TMEM135: variants seen among roughly 807,000 people sequenced by gnomAD.
The protein encoded by TMEM135 is transmembrane protein 135.
Under a neutral mutation model 60.3 loss-of-function variants are expected in TMEM135, and 30 were observed. The observed-to-expected ratio is 0.50, with a 90% CI of 0.37 to 0.68. The LOEUF (loss-of-function observed/expected upper bound fraction) is 0.68, where lower values mean the gene tolerates loss of function less well. Among genes scored for constraint, TMEM135 ranks in the 30% least tolerant of loss-of-function variants. The pLI is 0.00. For synonymous variants in TMEM135, 190 were observed against 186.7 expected (o/e 1.02, Z -0.14); for missense variants, 468 against 548.8 (o/e 0.85, Z 1.47).
intron 8 of TMEM135, among the ~76,000 whole-genome samples, chr11:87,302,945 A>G (rs551266045): frequency 1.6e-4 from 25 of 152,358 alleles, no homozygotes; most frequent in African/African-American, 5.0e-4. Context: ...ATTTTCATTT[A>G]TATTTCTAGG....
In TMEM135 at chr11:87,327,208, T is replaced by TG. The variant is rs781357542; in HGVS notation, c.*5878dup. The TG allele has an allele frequency of 5.9e-5, 27 of 453,938 alleles. No individual in the cohort carries two copies. Among genetic ancestry groups the TG allele is most frequent in the Non-Finnish European group, 1.1e-4 (24 of 226,788 alleles). 28.1% of individuals were successfully genotyped at this position (453,938 alleles called of 1,614,324 possible). A position where few individuals can be genotyped will look rare whatever the true frequency, so the allele number is the denominator to read the frequency against. On this transcript the variant is annotated 3_prime_UTR_variant, in exon 15 of 15. Coordinates refer to ENST00000305494, the MANE Select transcript of TMEM135 (RefSeq NM_022918.4). ...TGTAATGGAAAATCTGGGAAACACT[T>TG]GGGAAAAATCTTCCCTCTCTGCTTA...
intron 6 of TMEM135, among the ~76,000 whole-genome samples, chr11:87,290,065 G>A (rs1022805965): frequency 2.6e-5 from 4 of 152,060 alleles, no homozygotes; most frequent in East Asian, 1.9e-4. Flanking sequence ...TGTAGATTGC[G>A]AAGAAATATT....
intron 1 of TMEM135, among the ~76,000 whole-genome samples, chr11:87,062,251 A>G (rs2445571): frequency 0.47 from 70,826 of 151,556 alleles, 17,336 homozygotes; most frequent in East Asian, 0.64. Context: ...TGATCCGCCC[A>G]CCTCGGCCTC....
At position 87,122,262 on chromosome 11, in the gene TMEM135, G is replaced by T. The variant is rs673634; in HGVS notation, c.396+30867G>T. Among the ~76,000 whole-genome samples the T allele has an allele frequency of 2.0e-5, 3 of 147,794 alleles. 1 individual carries two copies. The highest frequency in any genetic ancestry group is 7.4e-5 in the African/African-American group (3 of 40,286). On this transcript the variant is annotated intron_variant, in intron 4 of 14. Coordinates refer to ENST00000305494, the MANE Select transcript of TMEM135 (RefSeq NM_022918.4). ...TGACTGCTGTCATCTAAGTTATTTC[G>T]CAAAGACAACAGACTATTCTTGACT...
chr11:87,178,297 G>T (rs1170395751), intron 5 of TMEM135, among the ~76,000 whole-genome samples: 1 of 152,160 alleles, frequency 6.6e-6, no homozygotes, highest in Non-Finnish European at 1.5e-5. Context: ...GGTTTTTGAA[G>T]CCCTGTGCCA....
At chr11:87,124,352 C>T (rs1388119795) in intron 4 of TMEM135, among the ~76,000 whole-genome samples, 1 of 152,134 alleles carries the variant, frequency 6.6e-6, no homozygotes, top group Non-Finnish European at 1.5e-5. Flanking sequence ...CTCTAACATT[C>T]CCCTCCTTCC....
In TMEM135 at chr11:87,326,612, ATTC is replaced by A. The variant is rs1942916077; in HGVS notation, c.*5282_*5284del. 6.6e-6 allele frequency: 3 copies of A among 453,938 alleles called. No homozygotes were observed. The highest frequency in any genetic ancestry group is 6.0e-5 in the African/African-American group (3 of 49,998). 28.1% of individuals were successfully genotyped at this position (453,938 alleles called of 1,614,324 possible). On this transcript the variant is annotated 3_prime_UTR_variant, in exon 15 of 15. Transcript: ENST00000305494. ...TTTTAAGCCTTATCTCTTTTCTCCT[ATTC>A]TTTTCTTTACCTTTCCTGGCCCATG...
At chr11:87,142,215 C>A (rs1938280887) in intron 4 of TMEM135, among the ~76,000 whole-genome samples, 1 of 152,158 alleles carries the variant, frequency 6.6e-6, no homozygotes. Flanking sequence ...GTAGAAAATG[C>A]CTGCTGTCTT....
chr11:87,278,241 A>C (rs892973608), intron 6 of TMEM135, among the ~76,000 whole-genome samples: 1 of 152,164 alleles, frequency 6.6e-6, no homozygotes, highest in Admixed American at 6.5e-5. Context: ...ACCATCTTTG[A>C]TTCTTTAGTT....
At chr11:87,192,018 T>G (rs1324518746) in intron 5 of TMEM135, among the ~76,000 whole-genome samples, 1 of 142,226 alleles carries the variant, frequency 7.0e-6, no homozygotes, top group Non-Finnish European at 1.5e-5. Context: ...AGATGGAGTC[T>G]TGCTCCAGGC....
At chr11:87,242,066 T>C (rs1190696089) in intron 6 of TMEM135, among the ~76,000 whole-genome samples, 1 of 151,500 alleles carries the variant, frequency 6.6e-6, no homozygotes, top group Non-Finnish European at 1.5e-5. Context: ...GTGTTCTCAT[T>C]GTTCAGTTCC....
At position 87,151,591 on chromosome 11, in the gene TMEM135, T is replaced by G. The variant is rs568232691; in HGVS notation, c.397-5750T>G. On this transcript the variant is annotated intron_variant, in intron 4 of 14. Transcript: ENST00000305494. Reference sequence around the variant, plus strand: ...GCTTATGGAAGCTCACTGTTTTTATTTGTGGGTCTTTTACCTATTTCAATG... The same window carrying G: ...GCTTATGGAAGCTCACTGTTTTTATGTGTGGGTCTTTTACCTATTTCAATG... Among the ~76,000 whole-genome samples the G allele has an allele frequency of 1.8e-4, 19 of 105,366 alleles. 1 individual carries two copies. The highest frequency in any genetic ancestry group is 0.01 in the Middle Eastern group (2 of 196). The allele number at this position is 105,366 out of a possible 152,430, so 69.1% of individuals were successfully genotyped here.
intron 7 of TMEM135, among the ~76,000 whole-genome samples, chr11:87,300,170 T>G (rs1942418864): frequency 6.6e-6 from 1 of 152,218 alleles, no homozygotes; most frequent in African/African-American, 2.4e-5. Flanking sequence ...AAGTTTGTAT[T>G]TAATTCAGTA....
chr11:87,314,584 A>G (rs1942694517), intron 12 of TMEM135, 37 bp downstream of exon 12: 1 of 1,544,746 alleles, frequency 6.5e-7, no homozygotes, highest in Admixed American at 1.7e-5. Context: ...GTTCCAAAGA[A>G]CATAAAGCTT....
At chr11:87,224,368 A>G (rs756970667) in intron 5 of TMEM135, among the ~76,000 whole-genome samples, 1 of 152,234 alleles carries the variant, frequency 6.6e-6, no homozygotes, top group Non-Finnish European at 1.5e-5. Context: ...GTGAACAATA[A>G]TCTTCATTCT....
rs1942932022 is a variant in TMEM135, at chr11:87,327,554, G to C, written c.*6221G>C. On this transcript the variant is annotated 3_prime_UTR_variant, in exon 15 of 15. Coordinates refer to ENST00000305494, the MANE Select transcript of TMEM135 (RefSeq NM_022918.4). ...TAGAGAGAGATATGAGAGGGATAGAGAGAGACACAGAGAGAGATATGAGAG... is the reference window on the plus strand; with the variant it reads ...TAGAGAGAGATATGAGAGGGATAGACAGAGACACAGAGAGAGATATGAGAG... The C allele has an allele frequency of 2.2e-6, 1 of 451,718 alleles. No homozygotes were observed. Among genetic ancestry groups the C allele is most frequent in the African/African-American group, 2.0e-5 (1 of 49,788 alleles). The allele number at this position is 451,718 out of a possible 1,614,324, so 28.0% of individuals were successfully genotyped here.
intron 1 of TMEM135, among the ~76,000 whole-genome samples, chr11:87,042,362 C>T (rs1375309655): frequency 6.6e-6 from 1 of 152,188 alleles, no homozygotes; most frequent in Admixed American, 6.5e-5. Flanking sequence ...TACAGTCAAA[C>T]AAGGTAGGTC....
At chr11:87,058,527 C>T (rs930027205) in intron 1 of TMEM135, among the ~76,000 whole-genome samples, 3 of 152,044 alleles carry the variant, frequency 2.0e-5, no homozygotes, top group South Asian at 2.1e-4. Context: ...GACTGGGTTT[C>T]GCTATGTTGG....
intron 5 of TMEM135, among the ~76,000 whole-genome samples, chr11:87,180,005 G>A (rs934919153): frequency 9.2e-5 from 14 of 152,028 alleles, no homozygotes; most frequent in Non-Finnish European, 1.9e-4. Flanking sequence ...GGACTCCAGG[G>A]CATCTTATTC....
Sources: allele counts gnomAD v4.1 joint callset (sites outside exome capture counted in the v4.1 genomes callset), GRCh38; gene constraint gnomAD v4.1.1; transcripts MANE v1.5; gene names NCBI Gene and HGNC (gene_info 2026-07-23, HGNC 2026-07-21).